Variants in ALDH4A1 observed in about 807,000 individuals in gnomAD.
ALDH4A1 encodes aldehyde dehydrogenase 4 family member A1, also known as delta-1-pyrroline-5-carboxylate dehydrogenase, mitochondrial.
Under a neutral mutation model 70.5 loss-of-function variants are expected in ALDH4A1, and 46 were observed. The observed-to-expected ratio is 0.65, with a 90% CI of 0.51 to 0.83. The LOEUF (loss-of-function observed/expected upper bound fraction) is 0.83, where lower values mean the gene tolerates loss of function less well. Ranked by LOEUF, ALDH4A1 falls within the 40% of genes least tolerant of loss-of-function variation. ALDH4A1 has a pLI of 0.00. For synonymous variants in ALDH4A1, 323 were observed against 324.3 expected, an observed-to-expected ratio of 1.00 and a Z score of 0.04; for missense variants, 749 against 766.5, an observed-to-expected ratio of 0.98 and a Z score of 0.27.
Position 18,872,803 on chromosome 1 carries a change from CCTGGACGGACAGACAG to C in ALDH4A1, c.*26_*41del, listed in dbSNP as rs1438094460. On this transcript the variant is annotated 3_prime_UTR_variant, in exon 15 of 15. Coordinates refer to ENST00000375341, the MANE Select transcript of ALDH4A1 (RefSeq NM_003748.4). Reference sequence around the variant, plus strand: ...GGGGTCTGTGCAGTGAGGTCGGCCACCTGGACGGACAGACAGCTGGACGGTGGAGCCCGAGAGGGGC... The same window carrying C: ...GGGGTCTGTGCAGTGAGGTCGGCCACCTGGACGGTGGAGCCCGAGAGGGGC... The C allele has an allele frequency of 1.3e-6, 2 of 1,552,514 alleles. No individual in the cohort carries two copies. The highest frequency in any genetic ancestry group is 2.7e-5 in the African/African-American group (2 of 73,672).
intron 1 of ALDH4A1, among the ~76,000 whole-genome samples, chr1:18,899,026 C>A (rs1935714886): frequency 6.6e-6 from 1 of 152,246 alleles, no homozygotes; most frequent in South Asian, 2.1e-4. Context: ...ATACAATCAT[C>A]CCCATTTTGC....
At chr1:18,897,149 A>G (rs1476976006) in intron 1 of ALDH4A1, 1 of 500,642 alleles carries the variant, frequency 2.0e-6, no homozygotes, top group Non-Finnish European at 4.1e-6. Context: ...CGTGACGCTC[A>G]AAGGAAATGC....
At chr1:18,893,024 A>T (rs561968885) in intron 1 of ALDH4A1, among the ~76,000 whole-genome samples, 2 of 152,282 alleles carry the variant, frequency 1.3e-5, no homozygotes, top group African/African-American at 2.4e-5. Context: ...GCTGCGCTCC[A>T]GGCCTCAACA....
At chr1:18,877,757 G>A (rs1279074793) in intron 9 of ALDH4A1, 145 bp from the exon 10 acceptor site, 10 of 982,646 alleles carry the variant, frequency 1.0e-5, no homozygotes, top group South Asian at 4.7e-5. Context: ...CAGAGTGAGC[G>A]CTGGCCAACA....
At chr1:18,890,185 CA>C in intron 1 of ALDH4A1, 80 bp from the exon 2 acceptor site, 1 of 1,231,402 alleles carries the variant, frequency 8.1e-7, no homozygotes, top group Non-Finnish European at 1.2e-6. Flanking sequence ...CTACCTCCGA[CA>C]GGGGGTCCTA....
In ALDH4A1 at chr1:18,876,338, G is replaced by A. The variant is rs906034380; in HGVS notation, c.1315C>T (p.Pro439Ser). The A allele has an allele frequency of 6.2e-7, 1 of 1,613,894 alleles. No homozygotes were observed. Among genetic ancestry groups the A allele is most frequent in the African/African-American group, 1.3e-5 (1 of 75,024 alleles). The part of the protein sequence containing the change: ...VEPCIVESKD[P>S]QEPIMKEEIF... ...ACCTCCTTCATGATGGGCTCCTGAG[G>A]GTCCTTGCTCTCCACGATGCAGGGC... The change falls in exon 12 of 15, where the codon CCT becomes TCT. Residue 439 changes from proline (P) to serine (S), a missense_variant. Coordinates refer to ENST00000375341, the MANE Select transcript of ALDH4A1 (RefSeq NM_003748.4).
intron 1 of ALDH4A1, among the ~76,000 whole-genome samples, chr1:18,890,496 GA>G (rs1417951530): frequency 6.6e-6 from 1 of 152,132 alleles, no homozygotes; most frequent in Admixed American, 6.5e-5. Context: ...GCAGTGAGCC[GA>G]GATCGTGCCA....
chr1:18,874,475 C>A lies in ALDH4A1; in HGVS notation c.1567G>T (p.Ala523Ser), dbSNP rs888782800. 2.3e-5 allele frequency: 37 copies of A among 1,613,506 alleles called. No homozygotes were observed. The highest frequency in any genetic ancestry group is 3.1e-5 in the Non-Finnish European group (36 of 1,179,838). Residue 523 changes from alanine (A) to serine (S), a missense_variant, in exon 14 of 15, where the codon GCC (alanine) becomes TCC (serine). Transcript: ENST00000375341. ...SIVGQQPFGG[A>S]RASGTNDKPG... ...GGGACCCACTCACCAGAGGCTCGGG[C>A]CCCCCCAAAGGGCTGCTGGCCCACT...
Position 18,883,402 on chromosome 1 carries a change from A to T in ALDH4A1, c.480T>A (p.Ile160=), listed in dbSNP as rs1227246984. The T allele has an allele frequency of 1.2e-6, 2 of 1,613,446 alleles. No homozygotes were observed. The highest frequency in any genetic ancestry group is 2.2e-5 in the East Asian group (1 of 44,880). The part of the protein sequence containing the change: ...GQGKTVIQAE[I]DAAAELIDFF... ...AGTCGATGAGTTCCGCTGCAGCGTCAATCTCCGCTTGGATCACGGTCTTAC... is the reference window on the plus strand; with the variant it reads ...AGTCGATGAGTTCCGCTGCAGCGTCTATCTCCGCTTGGATCACGGTCTTAC... The change falls in exon 6 of 15, where the codon ATT becomes ATA. Residue 160 remains isoleucine, a synonymous_variant. Transcript: ENST00000375341.
At chr1:18,875,151 A>T (rs1315422868) in intron 13 of ALDH4A1, among the ~76,000 whole-genome samples, 1 of 152,150 alleles carries the variant, frequency 6.6e-6, no homozygotes, top group African/African-American at 2.4e-5. Context: ...AGAGGTTCAG[A>T]TCCACTGGTC....
Position 18,875,442 on chromosome 1 carries a change from A to T in ALDH4A1, c.1400T>A (p.Leu467Gln). The T allele has an allele frequency of 6.2e-7, 1 of 1,614,152 alleles. No homozygotes were observed. The highest frequency in any genetic ancestry group is 1.1e-5 in the South Asian group (1 of 91,086). The stretch of plus-strand genomic sequence containing the variant: ...GCTGGTGGTGCTGTCAACCAGCTGC[A>T]GCGTCTCCTTGTACTTGTCATCCGG... ...VYPDDKYKET[L>Q]QLVDSTTSYG... The change falls in exon 13 of 15, where the codon CTG becomes CAG. Residue 467 changes from leucine (L) to glutamine (Q), a missense_variant. Transcript: ENST00000375341.
Position 18,876,312 on chromosome 1 carries a change from C to G in ALDH4A1, c.1338+3G>C. 1 of 1,613,614 alleles carries G rather than the reference C, an allele frequency of 6.2e-7. No individual in the cohort carries two copies. Among genetic ancestry groups the G allele is most frequent in the Non-Finnish European group, 8.5e-7 (1 of 1,179,950 alleles). ...TGGACCCCAGGCTGCCCACCCCAGT[C>G]ACCTCCTTCATGATGGGCTCCTGAG... On this transcript the variant is annotated splice_donor_region_variant and intron_variant, in intron 12 of 14. Coordinates refer to ENST00000375341, the MANE Select transcript of ALDH4A1 (RefSeq NM_003748.4).
chr1:18,883,399 G>A lies in ALDH4A1; in HGVS notation c.483C>T (p.Asp161=), dbSNP rs182240222. ...AGAAGTCGATGAGTTCCGCTGCAGCGTCAATCTCCGCTTGGATCACGGTCT... is the reference window on the plus strand; with the variant it reads ...AGAAGTCGATGAGTTCCGCTGCAGCATCAATCTCCGCTTGGATCACGGTCT... ...QGKTVIQAEI[D]AAAELIDFFR... The change falls in exon 6 of 15, where the codon GAC becomes GAT. Residue 161 remains aspartate, a synonymous_variant. Coordinates refer to ENST00000375341, the MANE Select transcript of ALDH4A1 (RefSeq NM_003748.4). 1.2e-4 allele frequency: 190 copies of A among 1,613,478 alleles called. No homozygotes were observed. Among genetic ancestry groups the A allele is most frequent in the Admixed American group, 6.8e-4 (41 of 60,032 alleles).
chr1:18,885,449 C>CA, intron 5 of ALDH4A1, 24 bp downstream of exon 5: 1 of 1,297,352 alleles, frequency 7.7e-7, no homozygotes, highest in African/African-American at 1.5e-5. Flanking sequence ...CCGCCCCACC[C>CA]ACCCGGGCCC....
chr1:18,893,500 T>C (rs1935512097), intron 1 of ALDH4A1, among the ~76,000 whole-genome samples: 1 of 151,898 alleles, frequency 6.6e-6, no homozygotes, highest in Non-Finnish European at 1.5e-5. Context: ...AGCAAATCAG[T>C]AGCTTTTTTT....
At chr1:18,894,865 C>CTTTTTTTTTTTTTTTTTTTTTTTTT (rs34445898) in intron 1 of ALDH4A1, among the ~76,000 whole-genome samples, 2 of 109,966 alleles carry the variant, frequency 1.8e-5, no homozygotes, top group African/African-American at 3.5e-5. Flanking sequence ...TTCTTTCTTT[C>CTTTTTTTTTTTTTTTTTTTTTTTTT]TTTTTTTTTT....
intron 5 of ALDH4A1, 59 bp from the exon 6 acceptor site, chr1:18,883,487 T>C (rs1935073103): frequency 6.8e-6 from 11 of 1,608,148 alleles, no homozygotes; most frequent in Non-Finnish European, 9.3e-6. Context: ...CATCCTCTTC[T>C]CACATCTGAC....
chr1:18,890,767 C>G (rs1002207760), intron 1 of ALDH4A1: 13 of 985,426 alleles, frequency 1.3e-5, no homozygotes, highest in Non-Finnish European at 1.6e-5. Context: ...GCGTTACTCT[C>G]CCTTTCTTCT....
chr1:18,877,506 G>A lies in ALDH4A1; in HGVS notation c.1047C>T (p.Ser349=), dbSNP rs139272675. 9.3e-6 allele frequency: 15 copies of A among 1,609,722 alleles called. No individual in the cohort carries two copies. The highest frequency in any genetic ancestry group is 1.7e-4 in the Middle Eastern group (1 of 5,910). Residue 349 remains serine (S), a synonymous_variant, in exon 10 of 15, where the codon TCC becomes TCT. Coordinates refer to ENST00000375341, the MANE Select transcript of ALDH4A1 (RefSeq NM_003748.4). ...GCGGCACGTAGAGACGCGAGCACGCGGAACACTTCTGGCCACCGTACTCGA... is the reference window on the plus strand; with the variant it reads ...GCGGCACGTAGAGACGCGAGCACGCAGAACACTTCTGGCCACCGTACTCGA... The part of the protein sequence containing the change: ...SAFEYGGQKC[S]ACSRLYVPHS...
Sources: allele counts gnomAD v4.1 joint callset (sites outside exome capture counted in the v4.1 genomes callset), GRCh38; gene constraint gnomAD v4.1.1; transcripts MANE v1.5; gene names NCBI Gene and HGNC (gene_info 2026-07-23, HGNC 2026-07-21).